NUP98: variants seen among roughly 807,000 people sequenced by gnomAD.
NUP98 encodes nuclear pore complex protein Nup98-Nup96.
NUP98 carries 26 observed loss-of-function variants against 191.9 expected under a neutral mutation model. That is an observed-to-expected ratio of 0.14 (90% CI 0.10 to 0.19). The LOEUF (loss-of-function observed/expected upper bound fraction) is 0.19, where lower values mean the gene tolerates loss of function less well. Ranked by LOEUF, NUP98 falls within the 10% of genes least tolerant of loss-of-function variation. The probability of loss-of-function intolerance (pLI) is 1.00; values close to 1 mark genes in which losing one functional copy is unlikely to be tolerated. For missense variants in NUP98, 1,941 were observed against 2,178.8 expected (o/e 0.89, Z 2.17); for synonymous variants, 808 against 778.4 (o/e 1.04, Z -0.63).
chr11:3,762,342 G>A (rs1195235793), intron 9 of NUP98, among the ~76,000 whole-genome samples: 1 of 151,296 alleles, frequency 6.6e-6, no homozygotes, highest in Non-Finnish European at 1.5e-5. Flanking sequence ...GATTGGTCTC[G>A]AATTCCTGAC....
chr11:3,702,101 G>C (rs900221808), intron 23 of NUP98, among the ~76,000 whole-genome samples: 2 of 152,140 alleles, frequency 1.3e-5, no homozygotes, highest in Admixed American at 1.3e-4. Context: ...AGCTGGGTGT[G>C]GTGGCGTGTG....
intron 25 of NUP98, among the ~76,000 whole-genome samples, chr11:3,695,814 A>G (rs2078484948): frequency 6.6e-6 from 1 of 152,150 alleles, no homozygotes; most frequent in Non-Finnish European, 1.5e-5. Flanking sequence ...AACCTAAATT[A>G]CCTATAGACT....
intron 20 of NUP98, among the ~76,000 whole-genome samples, chr11:3,709,351 C>A (rs2078963049): frequency 6.6e-6 from 1 of 152,048 alleles, no homozygotes. Context: ...CCAGCATGGG[C>A]AACATACTGA....
chr11:3,723,464 G>C lies in NUP98; in HGVS notation c.1848-9C>G. On this transcript the variant is annotated splice_polypyrimidine_tract_variant and intron_variant, in intron 15 of 32. Coordinates refer to ENST00000324932, the MANE Select transcript of NUP98 (RefSeq NM_016320.5). ...TGCTTAGGAAACTAAATCTGCAAAG[G>C]AAAAGAAATAATACCTTAGCCTCTT... 1 of 1,611,428 alleles carries C rather than the reference G, an allele frequency of 6.2e-7. No individual in the cohort carries two copies.
At position 3,686,063 on chromosome 11, in the gene NUP98, C is replaced by A. The variant is rs1659641536; in HGVS notation, c.4586G>T (p.Gly1529Val). Residue 1529 changes from glycine (G) to valine (V), a missense_variant, in exon 29 of 33, where the codon GGT (glycine) becomes GTT (valine). Gly to Val is a moderately radical substitution (Grantham distance 109). Transcript: ENST00000324932. Reference protein sequence around the residue: ...NYTHLSAQCEGVLQASYAGQL... With the variant: ...NYTHLSAQCEVVLQASYAGQL... ...GCCAGCGTAACTGGCCTGTAGCACA[C>A]CTTCACACTGCGCTGAGAGATGGGT... is the stretch of plus-strand genomic sequence containing the variant. The A allele has an allele frequency of 2.5e-6, 4 of 1,614,112 alleles. No homozygotes were observed. Among genetic ancestry groups the A allele is most frequent in the Non-Finnish European group, 3.4e-6 (4 of 1,180,052 alleles).
chr11:3,690,059 C>T (rs2078262041), intron 28 of NUP98, among the ~76,000 whole-genome samples: 1 of 146,384 alleles, frequency 6.8e-6, no homozygotes, highest in Non-Finnish European at 1.5e-5. Flanking sequence ...TCAAGTGATT[C>T]TCCTGCCTCA....
chr11:3,777,784 T>C (rs1389057234), intron 4 of NUP98, among the ~76,000 whole-genome samples: 2 of 152,066 alleles, frequency 1.3e-5, no homozygotes, highest in South Asian at 2.1e-4. Flanking sequence ...TTCTAAAACA[T>C]GTCTTAATAT....
At chr11:3,724,955 ATGATT>A in intron 15 of NUP98, 143 bp downstream of exon 15, 2 of 504,348 alleles carry the variant, frequency 4.0e-6, no homozygotes, top group Non-Finnish European at 7.1e-6. Flanking sequence ...AGACAAAAAT[ATGATT>A]TGATTTCTAG....
chr11:3,712,900 G>A (rs746312347), intron 19 of NUP98, among the ~76,000 whole-genome samples, 172 bp from the exon 20 acceptor site: 1 of 152,170 alleles, frequency 6.6e-6, no homozygotes, highest in Non-Finnish European at 1.5e-5. Flanking sequence ...TTTAGAAGAC[G>A]TTTGATGTAT....
At chr11:3,702,309 ACACACTCTCTCTCT>A (rs1408897254) in intron 23 of NUP98, among the ~76,000 whole-genome samples, 140 bp downstream of exon 23, 89 of 53,722 alleles carry the variant, frequency 1.7e-3, no homozygotes, top group Middle Eastern at 6.4e-3. Flanking sequence ...ACACACACAC[ACACACTCTCTCTCT>A]CTCTCTCTCT....
At chr11:3,769,219 G>A (rs1301245237) in intron 7 of NUP98, among the ~76,000 whole-genome samples, 1 of 152,134 alleles carries the variant, frequency 6.6e-6, no homozygotes, top group Non-Finnish European at 1.5e-5. Flanking sequence ...GAGGACAGGA[G>A]TTCCTGAACA....
chr11:3,732,224 G>A (rs1275432475), intron 13 of NUP98, among the ~76,000 whole-genome samples: 2 of 151,902 alleles, frequency 1.3e-5, no homozygotes, highest in Non-Finnish European at 2.9e-5. Context: ...CTCCAGCCTG[G>A]GTGACAGAGC....
chr11:3,790,192 G>T (rs2082287759), intron 1 of NUP98, among the ~76,000 whole-genome samples: 1 of 152,200 alleles, frequency 6.6e-6, no homozygotes, highest in Non-Finnish European at 1.5e-5. Context: ...TACTGAGGAT[G>T]AACTGTTCCC....
At chr11:3,762,848 C>T in intron 9 of NUP98, 54 bp downstream of exon 9, 2 of 1,585,020 alleles carry the variant, frequency 1.3e-6, no homozygotes, top group Non-Finnish European at 1.7e-6. Context: ...GAAGAAAATT[C>T]CTTTTAACAA....
At chr11:3,729,841 T>C (rs963224270) in intron 14 of NUP98, among the ~76,000 whole-genome samples, 1 of 151,806 alleles carries the variant, frequency 6.6e-6, no homozygotes, top group Non-Finnish European at 1.5e-5. Context: ...TTTCTACTTG[T>C]ATATTTGAAA....
At chr11:3,775,816 T>G (rs916759786) in intron 5 of NUP98, 66 bp downstream of exon 5, 7 of 1,508,644 alleles carry the variant, frequency 4.6e-6, no homozygotes, top group Non-Finnish European at 6.4e-6. Context: ...AATTTTACAA[T>G]TCATCCTGCA....
Position 3,702,550 on chromosome 11 carries a change from T to C in NUP98, c.3425A>G (p.Gln1142Arg). 2 of 1,614,192 alleles carry C rather than the reference T, an allele frequency of 1.2e-6. No individual in the cohort carries two copies. The highest frequency in any genetic ancestry group is 8.5e-7 in the Non-Finnish European group (1 of 1,180,036). The change falls in exon 23 of 33, where the codon CAG (glutamine) becomes CGG (arginine). Residue 1142 changes from glutamine (Q) to arginine (R), a missense_variant. Physicochemically the swap from Gln to Arg is conservative, Grantham distance 43. Coordinates refer to ENST00000324932, the MANE Select transcript of NUP98 (RefSeq NM_016320.5). ...TTCTAGTTCATGAGAGCCATTCAGC[T>C]GTTCTCCACTATTAGCAAGAGTCCA... ...PNWTLANSGE[Q>R]LNGSHELENH...
At chr11:3,735,416 T>TGAA in intron 12 of NUP98, 92 bp from the exon 13 acceptor site, 1 of 669,168 alleles carries the variant, frequency 1.5e-6, no homozygotes, top group Non-Finnish European at 2.1e-6. Flanking sequence ...GTATTCTTTT[T>TGAA]GAAGAAGTGG....
intron 11 of NUP98, among the ~76,000 whole-genome samples, chr11:3,746,845 G>A (rs906663792): frequency 5.9e-5 from 9 of 151,564 alleles, no homozygotes; most frequent in East Asian, 1.9e-4. Flanking sequence ...CCCGGGAGGC[G>A]GAGGTTGCAG....
Sources: allele counts gnomAD v4.1 joint callset (sites outside exome capture counted in the v4.1 genomes callset), GRCh38; gene constraint gnomAD v4.1.1; transcripts MANE v1.5; gene names NCBI Gene and HGNC (gene_info 2026-07-23, HGNC 2026-07-21).